Variants in ARHGAP28 observed in about 807,000 individuals in gnomAD.
ARHGAP28 encodes Rho GTPase activating protein 28.
ARHGAP28 carries 56 observed loss-of-function variants against 90.7 expected under a neutral mutation model. The observed-to-expected ratio is 0.62, with a 90% confidence interval of 0.50 to 0.77. ARHGAP28 has a LOEUF of 0.77. Ranked by LOEUF, ARHGAP28 falls within the 30% of genes least tolerant of loss-of-function variation. The probability of loss-of-function intolerance (pLI) is 0.00; values close to 1 mark genes in which losing one functional copy is unlikely to be tolerated. For synonymous variants in ARHGAP28, 308 were observed against 323.3 expected, an observed-to-expected ratio of 0.95 and a Z score of 0.51; for missense variants, 869 against 900.9, an observed-to-expected ratio of 0.96 and a Z score of 0.45.
chr18:6,776,052 A>G (rs767343625), intron 1 of ARHGAP28, among the ~76,000 whole-genome samples: 2 of 152,190 alleles, frequency 1.3e-5, no homozygotes, highest in Non-Finnish European at 2.9e-5. Flanking sequence ...TTTACAGATA[A>G]AGGAACCCTG....
intron 11 of ARHGAP28, 50 bp from the exon 12 acceptor site, chr18:6,887,107 G>T (rs761155628): frequency 2.0e-5 from 30 of 1,503,468 alleles, no homozygotes; most frequent in African/African-American, 4.1e-5. Context: ...ATGCTGTCAG[G>T]ATGCATCAGG....
intron 5 of ARHGAP28, among the ~76,000 whole-genome samples, chr18:6,861,985 C>T (rs900789849): frequency 6.6e-6 from 1 of 152,038 alleles, no homozygotes; most frequent in African/African-American, 2.4e-5. Flanking sequence ...AGGTTGAATG[C>T]CAGTAATGAC....
chr18:6,827,077 G>T (rs1456858278), intron 2 of ARHGAP28, among the ~76,000 whole-genome samples: 1 of 152,130 alleles, frequency 6.6e-6, no homozygotes, highest in African/African-American at 2.4e-5. Flanking sequence ...AAAGTCTCCC[G>T]TGTCTACCTC....
At chr18:6,836,046 G>A (rs948974218) in intron 2 of ARHGAP28, 1 of 152,136 alleles carries the variant, frequency 6.6e-6, no homozygotes, top group East Asian at 1.9e-4. Context: ...TTATCCTGGT[G>A]GGTGGCCTAA....
chr18:6,895,114 G>C (rs565226890), intron 15 of ARHGAP28, among the ~76,000 whole-genome samples: 9 of 152,306 alleles, frequency 5.9e-5, no homozygotes, highest in African/African-American at 2.2e-4. Flanking sequence ...AGTTATAGGA[G>C]GAATAAGATT....
At chr18:6,786,207 C>T (rs1009537892) in intron 1 of ARHGAP28, among the ~76,000 whole-genome samples, 2 of 152,216 alleles carry the variant, frequency 1.3e-5, no homozygotes, top group African/African-American at 4.8e-5. Flanking sequence ...TGCAACTAGA[C>T]ATTAGTCCTA....
intron 1 of ARHGAP28, among the ~76,000 whole-genome samples, chr18:6,751,559 G>A (rs1242292364): frequency 6.6e-6 from 1 of 152,198 alleles, no homozygotes; most frequent in African/African-American, 2.4e-5. Flanking sequence ...TGGCCATGAG[G>A]AATATACATG....
intron 7 of ARHGAP28, 124 bp downstream of exon 7, chr18:6,870,856 A>T (rs372081254): frequency 7.7e-6 from 8 of 1,034,742 alleles, no homozygotes; most frequent in Non-Finnish European, 1.1e-5. Context: ...GCTGGAGTGC[A>T]GTGGCGCGAT....
intron 1 of ARHGAP28, among the ~76,000 whole-genome samples, chr18:6,810,334 C>A (rs2056547517): frequency 6.6e-6 from 1 of 152,128 alleles, no homozygotes; most frequent in Non-Finnish European, 1.5e-5. Context: ...AGGAAAGATT[C>A]CAAGCCCAGG....
intron 1 of ARHGAP28, among the ~76,000 whole-genome samples, chr18:6,762,461 C>A (rs2056169135): frequency 6.6e-6 from 1 of 152,182 alleles, no homozygotes; most frequent in African/African-American, 2.4e-5. Flanking sequence ...TTCAGTTTCC[C>A]CTTCAACATG....
At chr18:6,773,116 T>C (rs2056256902) in intron 1 of ARHGAP28, among the ~76,000 whole-genome samples, 1 of 152,230 alleles carries the variant, frequency 6.6e-6, no homozygotes, top group South Asian at 2.1e-4. Context: ...TTGTGTAGAA[T>C]GTTGTACTTT....
chr18:6,907,217 A>G (rs1413825883), intron 16 of ARHGAP28, among the ~76,000 whole-genome samples: 1 of 152,222 alleles, frequency 6.6e-6, no homozygotes, highest in Admixed American at 6.5e-5. Context: ...GGGAATGTCA[A>G]TAGTGCAGTC....
intron 1 of ARHGAP28, among the ~76,000 whole-genome samples, chr18:6,742,501 T>C (rs1183415293): frequency 3.3e-5 from 5 of 151,996 alleles, no homozygotes; most frequent in Non-Finnish European, 7.4e-5. Flanking sequence ...GAGTGTTAGG[T>C]ATTGAATTTG....
chr18:6,771,681 A>G (rs2056244218), intron 1 of ARHGAP28, among the ~76,000 whole-genome samples: 1 of 152,240 alleles, frequency 6.6e-6, no homozygotes, highest in Admixed American at 6.5e-5. Flanking sequence ...TTCAAGCAAT[A>G]ATGTGAAGGC....
At chr18:6,801,463 A>G (rs2056481357) in intron 1 of ARHGAP28, among the ~76,000 whole-genome samples, 1 of 152,138 alleles carries the variant, frequency 6.6e-6, no homozygotes. Context: ...TCTTTTTCAC[A>G]GTAGTTTTGG....
intron 1 of ARHGAP28, among the ~76,000 whole-genome samples, chr18:6,792,206 A>T (rs2056411648): frequency 6.6e-6 from 1 of 152,174 alleles, no homozygotes; most frequent in Non-Finnish European, 1.5e-5. Context: ...TTTGTAACTG[A>T]TGGAGGTGTA....
At chr18:6,801,961 T>C (rs186130376) in intron 1 of ARHGAP28, among the ~76,000 whole-genome samples, 51 of 152,290 alleles carry the variant, frequency 3.3e-4, no homozygotes, top group African/African-American at 1.2e-3. Context: ...CCCTTTATCT[T>C]AACGAGATTC....
rs750884990 is a variant in ARHGAP28, at chr18:6,914,247, G to A, written c.*2093G>A. The A allele has an allele frequency of 1.3e-5, 2 of 152,174 alleles. No individual in the cohort carries two copies. The highest frequency in any genetic ancestry group is 2.9e-5 in the Non-Finnish European group (2 of 68,018). The allele number at this position is 152,174 out of a possible 1,614,324, so 9.4% of individuals were successfully genotyped here. ...CAAATAAATCCCTAATAGGTAACAA[G>A]TAAAATACAAATTCTTGTCTACTTT... is the stretch of plus-strand genomic sequence containing the variant. On this transcript the variant is annotated 3_prime_UTR_variant, in exon 18 of 18. Transcript: ENST00000383472.
At chr18:6,755,839 C>G (rs1172041734) in intron 1 of ARHGAP28, among the ~76,000 whole-genome samples, 2 of 152,088 alleles carry the variant, frequency 1.3e-5, no homozygotes, top group Non-Finnish European at 2.9e-5. Context: ...CAATAAACAC[C>G]AAAATATCAA....
Sources: gnomAD v4.1 joint callset for allele counts (sites outside exome capture counted in the v4.1 genomes callset) on GRCh38, gnomAD v4.1.1 for gene constraint, MANE v1.5 for transcripts, NCBI Gene and HGNC (gene_info 2026-07-23, HGNC 2026-07-21) for gene names.